ZNF543: variants seen among roughly 807,000 people sequenced by gnomAD.
ZNF543 encodes zinc finger protein 543.
In ZNF543, 10 loss-of-function variants were observed where a neutral mutation model predicts 13.4. That is an observed-to-expected ratio of 0.75 (90% CI 0.46 to 1.26). The LOEUF (loss-of-function observed/expected upper bound fraction) is 1.26, where lower values mean the gene tolerates loss of function less well. Among genes scored for constraint, ZNF543 ranks in the 50% most tolerant of loss-of-function variants. The pLI is 0.00. For synonymous variants in ZNF543, 272 were observed against 264.7 expected (o/e 1.03, Z -0.27); for missense variants, 768 against 741.2 (o/e 1.04, Z -0.42).
intron 3 of ZNF543, 120 bp from the exon 4 acceptor site, chr19:57,327,584 A>G (rs2088130121): frequency 1.0e-5 from 14 of 1,349,544 alleles, no homozygotes; most frequent in Non-Finnish European, 1.3e-5. Context: ...ACCTCAGGTG[A>G]TCTGCCTGCC....
rs2088085318 is a variant in ZNF543, at chr19:57,320,802, G to A, written c.-52G>A. On this transcript the variant is annotated 5_prime_UTR_variant, in exon 1 of 4. Coordinates refer to ENST00000321545, the MANE Select transcript of ZNF543 (RefSeq NM_213598.4). ...CGCCCAGGACAGAGAAGGGCTGGGG[G>A]TCGGCTGAGCCGCGGCATTCCCGGG... 18 of 1,611,702 alleles carry A rather than the reference G, an allele frequency of 1.1e-5. 1 individual carries two copies. The South Asian group carries it at 1.9e-4, about 17-fold the overall frequency.
intron 1 of ZNF543, among the ~76,000 whole-genome samples, chr19:57,323,442 A>T (rs114584217): frequency 0.012 from 1,872 of 151,516 alleles, 40 homozygotes; most frequent in African/African-American, 0.043. Flanking sequence ...TCTGCCCTTC[A>T]TGGCCCCCCA....
chr19:57,321,863 T>C (rs1413095348), intron 1 of ZNF543, among the ~76,000 whole-genome samples: 2 of 152,200 alleles, frequency 1.3e-5, no homozygotes, highest in Non-Finnish European at 2.9e-5. Flanking sequence ...TGAGGAGTCA[T>C]GGCATTTCAT....
Position 57,328,771 on chromosome 19 carries a change from A to T in ZNF543, c.1309A>T (p.Thr437Ser). The change falls in exon 4 of 4, where the codon ACT (threonine) becomes TCT (serine). Residue 437 changes from threonine (T) to serine (S), a missense_variant. By Grantham distance (58) the Thr-to-Ser change is moderately conservative (BLOSUM62 1). This residue lies in a region of ZNF543 where 677 missense variants were observed against 631.4 expected (regional missense o/e 1.07). Coordinates refer to ENST00000321545, the MANE Select transcript of ZNF543 (RefSeq NM_213598.4). ...ECGKAFTHCS[T>S]FVLHKRTHTG... ...TGGAAAGGCCTTCACCCACTGCTCC[A>T]CTTTTGTCTTGCATAAAAGGACCCA... 6.2e-7 allele frequency: 1 copy of T among 1,613,850 alleles called. No individual in the cohort carries two copies. Among genetic ancestry groups the T allele is most frequent in the South Asian group, 1.1e-5 (1 of 91,080 alleles).
rs1600055742 is a variant in ZNF543 at position 57,329,509 on chromosome 19, G to A, written c.*244G>A. On this transcript the variant is annotated 3_prime_UTR_variant, in exon 4 of 4. Coordinates refer to ENST00000321545, the MANE Select transcript of ZNF543 (RefSeq NM_213598.4). The stretch of plus-strand genomic sequence containing the variant: ...TAGTTTACAGTGAAATATTATCTCA[G>A]GGATATTTTTTTTTTTTTTTTGAGA... The A allele has an allele frequency of 2.3e-6, 1 of 435,766 alleles. No individual in the cohort carries two copies. Among genetic ancestry groups the A allele is most frequent in the East Asian group, 3.8e-5 (1 of 26,606 alleles). The allele number at this position is 435,766 out of a possible 1,614,324, so 27.0% of individuals were successfully genotyped here.
At chr19:57,323,056 GTTA>G (rs1307297025) in intron 1 of ZNF543, among the ~76,000 whole-genome samples, 8 of 152,030 alleles carry the variant, frequency 5.3e-5, no homozygotes, top group African/African-American at 1.9e-4. Context: ...TGTTGTTTTT[GTTA>G]TTATTCTTTC....
Position 57,329,726 on chromosome 19 carries a change from A to T in ZNF543, c.*461A>T, listed in dbSNP as rs1442840412. 1 of 155,800 alleles carries T rather than the reference A, an allele frequency of 6.4e-6. No individual in the cohort carries two copies. The highest frequency in any genetic ancestry group is 1.4e-5 in the Non-Finnish European group (1 of 70,422). 9.7% of individuals were successfully genotyped at this position (155,800 alleles called of 1,614,324 possible). A position where few individuals can be genotyped will look rare whatever the true frequency, so the allele number is the denominator to read the frequency against. On this transcript the variant is annotated 3_prime_UTR_variant, in exon 4 of 4. Coordinates refer to ENST00000321545, the MANE Select transcript of ZNF543 (RefSeq NM_213598.4). ...ACGGGGTTTCACCGTTTTAGCCGGGATGGTCTCGATCTCCTGACCTCGTGA... is the reference window on the plus strand; with the variant it reads ...ACGGGGTTTCACCGTTTTAGCCGGGTTGGTCTCGATCTCCTGACCTCGTGA...
At chr19:57,322,438 C>G (rs1455914779) in intron 1 of ZNF543, among the ~76,000 whole-genome samples, 1 of 145,876 alleles carries the variant, frequency 6.9e-6, no homozygotes, top group Non-Finnish European at 1.5e-5. Context: ...GCAGGAGGAT[C>G]ATGAGTTCAA....
chr19:57,326,763 GCA>G, intron 3 of ZNF543, 35 bp downstream of exon 3: 1 of 1,557,252 alleles, frequency 6.4e-7, no homozygotes, highest in Non-Finnish European at 8.8e-7. Context: ...GGGGGTCATG[GCA>G]GCTTACACAT....
chr19:57,325,727 T>G (rs570977485), intron 2 of ZNF543, among the ~76,000 whole-genome samples: 12 of 152,244 alleles, frequency 7.9e-5, no homozygotes, highest in African/African-American at 2.9e-4. Flanking sequence ...ACTTTTTGTA[T>G]TTTTAGTAGA....
At position 57,329,040 on chromosome 19, in the gene ZNF543, C is replaced by T. The variant is rs778981980; in HGVS notation, c.1578C>T (p.Ser526=). The T allele has an allele frequency of 9.9e-6, 16 of 1,613,740 alleles. No individual in the cohort carries two copies. Among genetic ancestry groups the T allele is most frequent in the Non-Finnish European group, 1.4e-5 (16 of 1,179,986 alleles). The part of the protein sequence containing the change: ...FCRSANLIRH[S]IIHTGEKPYE... ...GGAGCGCAAACCTTATTCGACACTC[C>T]ATCATTCACACTGGAGAGAAGCCGT... Residue 526 remains serine, a synonymous_variant, in exon 4 of 4, where the codon TCC becomes TCT. Transcript: ENST00000321545.
In ZNF543 at chr19:57,328,259, G is replaced by T. The variant is rs761839109; in HGVS notation, c.797G>T (p.Arg266Leu). ...ATGGAGTGTGGGAAGGCTTTTAACC[G>T]CAGGTCACACCTCACACGGCACCAG... ...KCMECGKAFN[R>L]RSHLTRHQRI... Residue 266 changes from arginine to leucine, a missense_variant, in exon 4 of 4, where the codon CGC becomes CTC. By Grantham distance (102) the Arg-to-Leu change is moderately radical. Transcript: ENST00000321545. 12 of 1,613,614 alleles carry T rather than the reference G, an allele frequency of 7.4e-6. No homozygotes were observed. In the South Asian group the frequency reaches 1.2e-4, roughly 16 times the overall value.
rs117221774 is a variant in ZNF543, at chr19:57,321,013, T to G, written c.18+142T>G. Reference sequence around the variant, plus strand: ...AAGTGGCCGTAGCTTGTCATTTCCTTTATCCGCAGTCCTGCAATAGTGTTG... The same window carrying G: ...AAGTGGCCGTAGCTTGTCATTTCCTGTATCCGCAGTCCTGCAATAGTGTTG... On this transcript the variant is annotated intron_variant, in intron 1 of 3. Coordinates refer to ENST00000321545, the MANE Select transcript of ZNF543 (RefSeq NM_213598.4). 36 of 1,162,354 alleles carry G rather than the reference T, an allele frequency of 3.1e-5. No individual in the cohort carries two copies. The East Asian group carries it at 8.8e-4, about 28-fold the overall frequency. 72.0% of individuals were successfully genotyped at this position (1,162,354 alleles called of 1,614,324 possible).
chr19:57,325,259 G>A (rs1246666463), intron 2 of ZNF543, among the ~76,000 whole-genome samples: 1 of 152,184 alleles, frequency 6.6e-6, no homozygotes, highest in Non-Finnish European at 1.5e-5. Context: ...TCACTGCACT[G>A]TCATTGAACC....
intron 2 of ZNF543, among the ~76,000 whole-genome samples, chr19:57,324,120 C>G (rs544271231): frequency 6.6e-6 from 1 of 152,008 alleles, no homozygotes; most frequent in Non-Finnish European, 1.5e-5. Context: ...GGGAGGCCGA[C>G]GCGGACAAAT....
rs545796114 is a variant in ZNF543, at chr19:57,330,190, A to T, written c.*925A>T. ...TATGTTTGGACACATTGTCCACTTC[A>T]GATGCTTGTTTAAAAAAATGTTTCA... On this transcript the variant is annotated 3_prime_UTR_variant, in exon 4 of 4. Coordinates refer to ENST00000321545, the MANE Select transcript of ZNF543 (RefSeq NM_213598.4). 6.6e-6 allele frequency: 1 copy of T among 152,288 alleles called. No individual in the cohort carries two copies. The highest frequency in any genetic ancestry group is 1.9e-4 in the East Asian group (1 of 5,188). The allele number at this position is 152,288 out of a possible 1,614,324, so 9.4% of individuals were successfully genotyped here.
intron 2 of ZNF543, among the ~76,000 whole-genome samples, chr19:57,326,080 T>C (rs1388612966): frequency 6.6e-6 from 1 of 152,216 alleles, no homozygotes. Context: ...AGAAAATTTG[T>C]CTTAACAGGG....
At chr19:57,325,697 G>T (rs2088116289) in intron 2 of ZNF543, among the ~76,000 whole-genome samples, 1 of 152,114 alleles carries the variant, frequency 6.6e-6, no homozygotes, top group African/African-American at 2.4e-5. Context: ...GACCACGGGT[G>T]CATGACACCA....
intron 1 of ZNF543, among the ~76,000 whole-genome samples, chr19:57,321,249 T>C: frequency 6.6e-6 from 1 of 152,206 alleles, no homozygotes; most frequent in Non-Finnish European, 1.5e-5. Flanking sequence ...TCTTCCTTTT[T>C]CCAGGCTTTC....
Sources: allele counts gnomAD v4.1 joint callset (sites outside exome capture counted in the v4.1 genomes callset), GRCh38; gene constraint gnomAD v4.1.1; regional missense constraint gnomAD v4.1.1; transcripts MANE v1.5; gene names NCBI Gene and HGNC (gene_info 2026-07-23, HGNC 2026-07-21).